CCT6B: variants seen among roughly 807,000 people sequenced by gnomAD.
CCT6B encodes probable T-complex protein 1 subunit zeta-2.
In CCT6B, 49 loss-of-function variants were observed where a neutral mutation model predicts 61.5. The ratio of observed to expected loss-of-function variants is 0.80; its 90% CI spans 0.63 to 1.01. CCT6B has a LOEUF of 1.01. Among genes scored for constraint, CCT6B ranks in the 50% least tolerant of loss-of-function variants. The pLI, the probability that CCT6B is intolerant of heterozygous loss-of-function variation, is 0.00. For synonymous variants in CCT6B, 228 were observed against 214.5 expected (o/e 1.06, Z -0.55); for missense variants, 666 against 634.7 (o/e 1.05, Z -0.53).
rs762257453 is a variant in CCT6B, at chr17:34,939,697, C to CACA, written c.982_984dup (p.Cys328dup). ...TCAAAAGAATTCACGGCCATTCCAC[C>CACA]ACAAGCAAGAGAGAGTCTGAAATTA... On this transcript the variant is annotated inframe_insertion, in exon 9 of 14. Transcript: ENST00000314144. 3 of 1,611,974 alleles carry CACA rather than the reference C, an allele frequency of 1.9e-6. No homozygotes were observed. The South Asian group carries it at 3.3e-5, about 18-fold the overall frequency.
At chr17:34,934,625 T>TTA (rs2090074438) in intron 10 of CCT6B, among the ~76,000 whole-genome samples, 1 of 152,180 alleles carries the variant, frequency 6.6e-6, no homozygotes, top group Non-Finnish European at 1.5e-5. Context: ...AACAAAACCT[T>TTA]TATAGCCCTA....
chr17:34,940,403 T>TA (rs2090149519), intron 8 of CCT6B, 136 bp downstream of exon 8: 1 of 559,536 alleles, frequency 1.8e-6, no homozygotes, highest in Non-Finnish European at 3.2e-6. Context: ...TTACTGAAAC[T>TA]AAAAACAAAA....
Position 34,928,010 on chromosome 17 carries a change from A to G in CCT6B, c.*38T>C, listed in dbSNP as rs751228216. The stretch of plus-strand genomic sequence containing the variant: ...AGTAGTCAGATGTAAAGTGTACTAA[A>G]TTTCATCTTCTAGAAGGGTTGATTT... On this transcript the variant is annotated 3_prime_UTR_variant, in exon 14 of 14. Coordinates refer to ENST00000314144, the MANE Select transcript of CCT6B (RefSeq NM_006584.4). The G allele has an allele frequency of 1.3e-6, 2 of 1,492,262 alleles. No individual in the cohort carries two copies. The highest frequency in any genetic ancestry group is 2.8e-5 in the African/African-American group (2 of 72,160). The allele number at this position is 1,492,262 out of a possible 1,614,324, so 92.4% of individuals were successfully genotyped here. A position where few individuals can be genotyped will look rare whatever the true frequency, so the allele number is the denominator to read the frequency against.
chr17:34,935,771 C>T (rs970972428), intron 10 of CCT6B, among the ~76,000 whole-genome samples: 5 of 151,738 alleles, frequency 3.3e-5, no homozygotes, highest in Non-Finnish European at 4.4e-5. Context: ...GTAGGAGATT[C>T]GCTTGAACCT....
At chr17:34,931,157 A>C (rs1028651338) in intron 11 of CCT6B, 106 bp from the exon 12 acceptor site, 3 of 291,288 alleles carry the variant, frequency 1.0e-5, no homozygotes, top group East Asian at 1.4e-4. Context: ...CATCCATAAC[A>C]TGGCAATCAT....
At chr17:34,942,324 T>A (rs948341992) in intron 7 of CCT6B, among the ~76,000 whole-genome samples, 160 bp downstream of exon 7, 1 of 152,140 alleles carries the variant, frequency 6.6e-6, no homozygotes, top group Non-Finnish European at 1.5e-5. Flanking sequence ...ATTGCAAATG[T>A]CAACACAATG....
chr17:34,946,942 G>C (rs1389095371), intron 5 of CCT6B, among the ~76,000 whole-genome samples: 1 of 152,206 alleles, frequency 6.6e-6, no homozygotes, highest in African/African-American at 2.4e-5. Flanking sequence ...TCTGTTTCTT[G>C]TGAGAGTGCT....
chr17:34,953,339 A>AT lies in CCT6B; in HGVS notation c.510+1086dup, dbSNP rs1203370965. On this transcript the variant is annotated intron_variant, in intron 4 of 13. Transcript: ENST00000314144. ...ATAAAATATATATATATATATATAT[A>AT]TATTTTTTTGAGACAAAGTTTCACT... is the stretch of plus-strand genomic sequence containing the variant. Among the ~76,000 whole-genome samples the AT allele has an allele frequency of 8.2e-3, 1,164 of 142,102 alleles. 15 individuals are homozygous for AT. The highest frequency in any genetic ancestry group is 0.01 in the Non-Finnish European group (676 of 65,660). The allele number at this position is 142,102 out of a possible 152,430, so 93.2% of individuals were successfully genotyped here.
At chr17:34,929,499 T>C (rs1441596664) in intron 12 of CCT6B, among the ~76,000 whole-genome samples, 1 of 131,240 alleles carries the variant, frequency 7.6e-6, no homozygotes, top group East Asian at 3.0e-4. Context: ...TTCTTTTTTT[T>C]TTTTTTTTTG....
intron 4 of CCT6B, 94 bp downstream of exon 4, chr17:34,954,332 A>G: frequency 2.1e-6 from 2 of 972,640 alleles, no homozygotes; most frequent in South Asian, 1.8e-5. Context: ...TGCCCAAAAA[A>G]CCACATGAAA....
At chr17:34,939,802 T>C in intron 8 of CCT6B, 89 bp from the exon 9 acceptor site, 1 of 820,734 alleles carries the variant, frequency 1.2e-6, no homozygotes, top group Non-Finnish European at 2.1e-6. Context: ...CAGAAGACTG[T>C]ATTGTTACTG....
intron 10 of CCT6B, among the ~76,000 whole-genome samples, 184 bp from the exon 11 acceptor site, chr17:34,932,684 T>C (rs1567662711): frequency 1.3e-5 from 2 of 152,230 alleles, no homozygotes; most frequent in Non-Finnish European, 2.9e-5. Flanking sequence ...ATTAAATAAA[T>C]AGGCATAGTA....
chr17:34,932,517 A>C lies in CCT6B; in HGVS notation c.1214-17T>G. On this transcript the variant is annotated splice_polypyrimidine_tract_variant and intron_variant, in intron 10 of 13. Coordinates refer to ENST00000314144, the MANE Select transcript of CCT6B (RefSeq NM_006584.4). ...CCATACAACCTATTGGAGAGAAAAA[A>C]TATGATTGGCAAGACATGCCATAAA... is the stretch of plus-strand genomic sequence containing the variant. 1 of 1,580,854 alleles carries C rather than the reference A, an allele frequency of 6.3e-7. No individual in the cohort carries two copies. The highest frequency in any genetic ancestry group is 1.2e-5 in the South Asian group (1 of 83,624).
chr17:34,936,709 GA>G (rs1322285949), intron 10 of CCT6B, among the ~76,000 whole-genome samples: 1 of 151,976 alleles, frequency 6.6e-6, no homozygotes, highest in Non-Finnish European at 1.5e-5. Flanking sequence ...GATAAATATG[GA>G]AAAAAGTATG....
chr17:34,936,591 C>A (rs1407064821), intron 10 of CCT6B, among the ~76,000 whole-genome samples: 1 of 151,952 alleles, frequency 6.6e-6, no homozygotes, highest in Non-Finnish European at 1.5e-5. Flanking sequence ...AATTCAAGAT[C>A]AATGTACAAA....
Position 34,951,971 on chromosome 17 carries a change from T to C in CCT6B, c.593A>G (p.His198Arg). ...TTACTTTGTATCTGTTCCTAATTTATGCTTCATCTCCATTATTTCTACCAT... is the reference window on the plus strand; with the variant it reads ...TTACTTTGTATCTGTTCCTAATTTACGCTTCATCTCCATTATTTCTACCAT... ...LFMVEIMEMK[H>R]KLGTDTKLIQ... is the part of the protein sequence containing the mutation. Residue 198 changes from histidine (H) to arginine (R), a missense_variant, in exon 5 of 14, where the codon CAT (histidine) becomes CGT (arginine). By Grantham distance (29) the His-to-Arg change is conservative. Transcript: ENST00000314144. 6.3e-7 allele frequency: 1 copy of C among 1,591,328 alleles called. No homozygotes were observed. Among genetic ancestry groups the C allele is most frequent in the African/African-American group, 1.3e-5 (1 of 74,558 alleles).
chr17:34,943,425 C>A lies in CCT6B; in HGVS notation c.615-519G>T, dbSNP rs572619282. On this transcript the variant is annotated intron_variant, in intron 5 of 13. Transcript: ENST00000314144. ...AAAAATTGTTAACCTAAATGTCCAA[C>A]AATAGGGTATTATTCAGCAAATAAT... 8 of 152,336 alleles carry A rather than the reference C, an allele frequency of 5.3e-5. No individual in the cohort carries two copies. In the South Asian group the frequency reaches 1.4e-3, roughly 28 times the overall value. The allele number at this position is 152,336 out of a possible 1,614,324, so 9.4% of individuals were successfully genotyped here. A position where few individuals can be genotyped will look rare whatever the true frequency, so the allele number is the denominator to read the frequency against.
rs1421660748 is a variant in CCT6B at position 34,929,415 on chromosome 17, CAGACTTTT to C, written c.1451-389_1451-382del. The stretch of plus-strand genomic sequence containing the variant: ...CCCTTAATCCCTAGGTGATCTCATC[CAGACTTTT>C]AGATTTAAACCATACACATCTGATG... On this transcript the variant is annotated intron_variant, in intron 12 of 13. Coordinates refer to ENST00000314144, the MANE Select transcript of CCT6B (RefSeq NM_006584.4). Among the ~76,000 whole-genome samples the C allele has an allele frequency of 3.9e-5, 6 of 151,998 alleles. No homozygotes were observed. The South Asian group carries it at 1.0e-3, about 26-fold the overall frequency.
chr17:34,953,932 T>G (rs1302248428), intron 4 of CCT6B, among the ~76,000 whole-genome samples: 2 of 152,042 alleles, frequency 1.3e-5, no homozygotes, highest in Non-Finnish European at 2.9e-5. Context: ...CCAGCCTGAG[T>G]GACAGAGTAA....
Sources: gnomAD v4.1 joint callset for allele counts (sites outside exome capture counted in the v4.1 genomes callset) on GRCh38, gnomAD v4.1.1 for gene constraint, MANE v1.5 for transcripts, NCBI Gene and HGNC (gene_info 2026-07-23, HGNC 2026-07-21) for gene names.